COL6A2: variants seen among roughly 807,000 people sequenced by gnomAD.
COL6A2 encodes collagen type VI alpha 2 chain, also known as collagen alpha-2(VI) chain.
A neutral mutation model predicts 124.9 loss-of-function variants in COL6A2; 90 were observed. The ratio of observed to expected loss-of-function variants is 0.72; its 90% CI spans 0.61 to 0.86. COL6A2 has a LOEUF of 0.86. COL6A2 is among the 40% of genes least tolerant of loss of function. The pLI, the probability that COL6A2 is intolerant of heterozygous loss-of-function variation, is 0.00. For synonymous variants in COL6A2, 793 were observed against 618.2 expected, an observed-to-expected ratio of 1.28 and a Z score of -4.19; for missense variants, 1,607 against 1,502.5, an observed-to-expected ratio of 1.07 and a Z score of -1.15.
chr21:46,119,119 G>C lies in COL6A2; in HGVS notation c.1269G>C (p.Pro423=), dbSNP rs144136807. The change falls in exon 14 of 28, where the codon CCG becomes CCC. Residue 423 remains proline, a splice_region_variant and synonymous_variant. Coordinates refer to ENST00000300527, the MANE Select transcript of COL6A2 (RefSeq NM_001849.4). ...GPGPRGPKGE[P]GRRGDPGTKG... is the part of the protein sequence containing the mutation. ...GGCCCCGCGGACCCAAAGGCGAGCC[G>C]GTGAGTCCCTCCTGCCCCTGCCTCA... 2.1e-5 allele frequency: 33 copies of C among 1,609,152 alleles called. No individual in the cohort carries two copies. The African/African-American group carries it at 3.7e-4, about 18-fold the overall frequency.
rs1269784533 is a variant in COL6A2 at position 46,132,690 on chromosome 21, C to T, written c.*138C>T. The T allele has an allele frequency of 1.5e-5, 14 of 908,948 alleles. No individual in the cohort carries two copies. The highest frequency in any genetic ancestry group is 8.0e-5 in the East Asian group (3 of 37,558). The allele number at this position is 908,948 out of a possible 1,614,324, so 56.3% of individuals were successfully genotyped here. On this transcript the variant is annotated 3_prime_UTR_variant, in exon 28 of 28. Transcript: ENST00000300527. ...GCCTGCACCTCTCCAGCTCCTCCCA[C>T]GGGGTCCCCGTAGCCCCGGCCCCCG...
At position 46,121,557 on chromosome 21, in the gene COL6A2, G is replaced by A. The variant is rs759491545; in HGVS notation, c.1460G>A (p.Gly487Glu). The A allele has an allele frequency of 3.7e-6, 6 of 1,612,730 alleles. No individual in the cohort carries two copies. Among genetic ancestry groups the A allele is most frequent in the Admixed American group, 3.3e-5 (2 of 59,998 alleles). ...QGALGEPGKQ[G>E]SRGDPGDAGP... ...TCTGAATTTCTCTCCTGCCCTCAGGGATCTCGGGGAGACCCCGGTGATGCA... is the reference window on the plus strand; with the variant it reads ...TCTGAATTTCTCTCCTGCCCTCAGGAATCTCGGGGAGACCCCGGTGATGCA... Residue 487 changes from glycine (G) to glutamate (E), a missense_variant and splice_region_variant, in exon 18 of 28, where the codon GGA becomes GAA. Around this residue, in one of 3 missense-constraint regions of COL6A2, gnomAD observed 1,223 missense variants for 1,052.2 expected, o/e 1.16. Coordinates refer to ENST00000300527, the MANE Select transcript of COL6A2 (RefSeq NM_001849.4).
chr21:46,121,012 G>A (rs1475344164), intron 16 of COL6A2, 49 bp from the exon 17 acceptor site: 3 of 1,563,018 alleles, frequency 1.9e-6, no homozygotes, highest in East Asian at 4.5e-5. Flanking sequence ...GGGACTCCAG[G>A]GTGCTGCTGT....
rs772728908 is a variant in COL6A2 at position 46,124,546 on chromosome 21, C to G, written c.1672-105C>G. On this transcript the variant is annotated intron_variant, in intron 21 of 27. Coordinates refer to ENST00000300527, the MANE Select transcript of COL6A2 (RefSeq NM_001849.4). ...CTCCTTGCACCTGTTAGCCCCCCCC[C>G]CCGCCAAGGGAGGACCCGTGGTTGG... The G allele has an allele frequency of 2.3e-4, 229 of 1,007,838 alleles. 2 individuals are homozygous for G. The highest frequency in any genetic ancestry group is 2.0e-3 in the South Asian group (151 of 73,786). 62.4% of individuals were successfully genotyped at this position (1,007,838 alleles called of 1,614,324 possible).
intron 22 of COL6A2, 23 bp from the exon 23 acceptor site, chr21:46,124,862 C>G: frequency 6.2e-7 from 1 of 1,612,904 alleles, no homozygotes; most frequent in Non-Finnish European, 8.5e-7. Flanking sequence ...CCCAGAGTCT[C>G]AGCCTCATCC....
intron 24 of COL6A2, 52 bp downstream of exon 24, chr21:46,125,363 G>C: frequency 6.2e-7 from 1 of 1,604,366 alleles, no homozygotes; most frequent in East Asian, 2.2e-5. Context: ...GTGGAGGGCG[G>C]GAGTGCAGCA....
chr21:46,124,543 C>CT lies in COL6A2; in HGVS notation c.1672-108_1672-107insT, dbSNP rs1470892300. ...TTACTCCTTGCACCTGTTAGCCCCC[C>CT]CCCCCGCCAAGGGAGGACCCGTGGT... On this transcript the variant is annotated intron_variant, in intron 21 of 27. Coordinates refer to ENST00000300527, the MANE Select transcript of COL6A2 (RefSeq NM_001849.4). 6.2e-6 allele frequency: 6 copies of CT among 966,260 alleles called. No homozygotes were observed. In the East Asian group the frequency reaches 9.7e-5, roughly 16 times the overall value. The allele number at this position is 966,260 out of a possible 1,614,324, so 59.9% of individuals were successfully genotyped here. A position where few individuals can be genotyped will look rare whatever the true frequency, so the allele number is the denominator to read the frequency against.
intron 16 of COL6A2, 52 bp downstream of exon 16, chr21:46,120,629 AGGGGG>A: frequency 4.9e-6 from 7 of 1,415,002 alleles, no homozygotes; most frequent in Non-Finnish European, 6.5e-6. Context: ...GAGGGGGTGC[AGGGGG>A]GCTGCACCCC....
intron 21 of COL6A2, among the ~76,000 whole-genome samples, chr21:46,123,465 G>C (rs946619361): frequency 6.6e-6 from 1 of 152,168 alleles, no homozygotes; most frequent in Admixed American, 6.5e-5. Flanking sequence ...AGGGCTGCAG[G>C]TTGGTCTGGA....
At chr21:46,130,302 A>C (rs1369424232) in intron 27 of COL6A2, among the ~76,000 whole-genome samples, 1 of 152,220 alleles carries the variant, frequency 6.6e-6, no homozygotes, top group Non-Finnish European at 1.5e-5. Context: ...TGCGGTCCTC[A>C]GAGGACTGAG....
At chr21:46,114,166 C>A in intron 5 of COL6A2, 93 bp downstream of exon 5, 1 of 1,060,448 alleles carries the variant, frequency 9.4e-7, no homozygotes, top group Non-Finnish European at 1.5e-6. Context: ...GTGGCTCATA[C>A]CTGTAATCCC....
intron 1 of COL6A2, among the ~76,000 whole-genome samples, chr21:46,102,531 C>T (rs1409699530): frequency 1.3e-5 from 2 of 152,078 alleles, no homozygotes; most frequent in Non-Finnish European, 1.5e-5. Context: ...GTGGCTTTTT[C>T]GTATAATATG....
chr21:46,127,706 G>T (rs1313162440), intron 27 of COL6A2, among the ~76,000 whole-genome samples: 1 of 140,634 alleles, frequency 7.1e-6, no homozygotes, highest in East Asian at 2.1e-4. Flanking sequence ...GATGGTCACT[G>T]TGGGTGCTTT....
At chr21:46,130,698 C>A (rs948364678) in intron 27 of COL6A2, among the ~76,000 whole-genome samples, 2 of 152,194 alleles carry the variant, frequency 1.3e-5, no homozygotes, top group South Asian at 2.1e-4. Flanking sequence ...TGTCTGTCTC[C>A]ATATGTTTGG....
intron 23 of COL6A2, 47 bp downstream of exon 23, chr21:46,124,967 T>C: frequency 6.2e-7 from 1 of 1,607,820 alleles, no homozygotes; most frequent in Non-Finnish European, 8.5e-7. Context: ...CTGCCAAAAC[T>C]AGACACCAAG....
chr21:46,116,584 C>T lies in COL6A2; in HGVS notation c.928-67C>T. Reference sequence around the variant, plus strand: ...AGTTTGGCCCAAGGGCTTTGCCCCCCAGAGGCAGCAGTGCCCATGATGCTT... The same window carrying T: ...AGTTTGGCCCAAGGGCTTTGCCCCCTAGAGGCAGCAGTGCCCATGATGCTT... On this transcript the variant is annotated intron_variant, in intron 8 of 27. Transcript: ENST00000300527. The surrounding 1 kb of genome is among the most constrained non-coding windows in gnomAD (Gnocchi z 4.6). 2.5e-6 allele frequency: 4 copies of T among 1,607,434 alleles called. No individual in the cohort carries two copies. The highest frequency in any genetic ancestry group is 3.4e-6 in the Non-Finnish European group (4 of 1,175,498).
chr21:46,114,014 A>G lies in COL6A2; in HGVS notation c.742A>G (p.Lys248Glu), dbSNP rs966102051. The G allele has an allele frequency of 1.9e-6, 3 of 1,613,808 alleles. No individual in the cohort carries two copies. The highest frequency in any genetic ancestry group is 1.3e-5 in the African/African-American group (1 of 75,034). The change falls in exon 5 of 28, where the codon AAG becomes GAG. Residue 248 changes from lysine to glutamate, a missense_variant. Around this residue, in one of 3 missense-constraint regions of COL6A2, gnomAD observed 342 missense variants for 381.5 expected, o/e 0.90. Coordinates refer to ENST00000300527, the MANE Select transcript of COL6A2 (RefSeq NM_001849.4). ...MKHEAYGECYKVSCLEIPGPS... is the reference protein window; with the variant it reads ...MKHEAYGECYEVSCLEIPGPS... Reference sequence around the variant, plus strand: ...CTCTGCTTCCTCGTTTCAGTGCTACAAGGTGAGCTGCCTGGAAATCCCTGG... The same window carrying G: ...CTCTGCTTCCTCGTTTCAGTGCTACGAGGTGAGCTGCCTGGAAATCCCTGG...
rs2078771148 is a variant in COL6A2, at chr21:46,132,266, T to C, written c.2774T>C (p.Ile925Thr). The change falls in exon 28 of 28, where the codon ATC (isoleucine) becomes ACC (threonine). Residue 925 changes from isoleucine (I) to threonine (T), a missense_variant. By Grantham distance (89) the Ile-to-Thr change is moderately conservative. Transcript: ENST00000300527. ...SHVGAGVVHA[I>T]NAIVRSPRGG... Reference sequence around the variant, plus strand: ...GTGGGCGCAGGCGTGGTGCACGCCATCAATGCCATCGTGCGCAGCCCGCGT... The same window carrying C: ...GTGGGCGCAGGCGTGGTGCACGCCACCAATGCCATCGTGCGCAGCCCGCGT... 2 of 1,606,666 alleles carry C rather than the reference T, an allele frequency of 1.2e-6. No homozygotes were observed. Among genetic ancestry groups the C allele is most frequent in the Non-Finnish European group, 1.7e-6 (2 of 1,178,726 alleles).
intron 27 of COL6A2, chr21:46,129,595 C>CG: frequency 7.0e-7 from 1 of 1,437,504 alleles, no homozygotes; most frequent in East Asian, 2.5e-5. Flanking sequence ...GATCTGGAAT[C>CG]GGGGTCAGCG....
Sources: allele counts gnomAD v4.1 joint callset (sites outside exome capture counted in the v4.1 genomes callset), GRCh38; gene constraint gnomAD v4.1.1; regional missense constraint gnomAD v4.1.1; non-coding constraint Gnocchi (gnomAD v3.1); transcripts MANE v1.5; gene names NCBI Gene and HGNC (gene_info 2026-07-23, HGNC 2026-07-21).